The following NOTCH2 variants were observed in gnomAD, a reference collection of about 807,000 sequenced individuals.
NOTCH2 encodes the protein notch receptor 2.
A neutral mutation model predicts 235.8 loss-of-function variants in NOTCH2; 29 were observed. The ratio of observed to expected loss-of-function variants is 0.12; its 90% CI spans 0.09 to 0.17. The LOEUF (loss-of-function observed/expected upper bound fraction) is 0.17. NOTCH2 is among the 10% of genes least tolerant of loss of function. The pLI, the probability that NOTCH2 is intolerant of heterozygous loss-of-function variation, is 1.00. For missense variants in NOTCH2, 2,285 were observed against 3,150.2 expected (o/e 0.73, Z 6.57); for synonymous variants, 1,086 against 1,141.5 (o/e 0.95, Z 0.98).
intron 11 of NOTCH2, 109 bp downstream of exon 11, chr1:119,963,465 G>A: frequency 9.8e-7 from 1 of 1,021,534 alleles, no homozygotes; most frequent in Non-Finnish European, 1.6e-6. Context: ...CTCAGAATCA[G>A]GACTGTTTTT....
At chr1:119,994,962 GT>G (rs2101204049) in intron 4 of NOTCH2, 1 of 149,808 alleles carries the variant, frequency 6.7e-6, no homozygotes, top group Admixed American at 6.7e-5. Flanking sequence ...CCAAAAAAAT[GT>G]TAGTTTTCTC....
In NOTCH2 at chr1:119,922,366, G is replaced by A. The variant is rs1446201961; in HGVS notation, c.5083C>T (p.Leu1695=). The A allele has an allele frequency of 2.5e-6, 4 of 1,614,150 alleles. No individual in the cohort carries two copies. Among genetic ancestry groups the A allele is most frequent in the Non-Finnish European group, 2.5e-6 (3 of 1,180,026 alleles). Residue 1695 remains leucine, a synonymous_variant, in exon 28 of 34, where the codon CTG becomes TTG. Transcript: ENST00000256646. The stretch of plus-strand genomic sequence containing the variant: ...TTTCGTTTTGCCATGATTACCCCCA[G>A]CAGAATAATAAACAGAATGATGACA... ...AVVIILFIIL[L]GVIMAKRKRK...
chr1:120,066,140 G>T (rs1655496259), intron 1 of NOTCH2, among the ~76,000 whole-genome samples: 1 of 152,152 alleles, frequency 6.6e-6, no homozygotes, highest in Non-Finnish European at 1.5e-5. Context: ...TAGAAGAAAT[G>T]ACATTATATT....
At position 119,925,358 on chromosome 1, in the gene NOTCH2, C is replaced by A. The variant is rs61756001; in HGVS notation, c.4458G>T (p.Thr1486=). ...INNQCDELCN[T]VECLFDNFEC... ...CAAAGTTGTCAAACAGGCACTCGAC[C>A]GTGTTGCACAGCTCATCACACTGGT... Residue 1486 remains threonine (T), a synonymous_variant, in exon 25 of 34, where the codon ACG becomes ACT. Transcript: ENST00000256646. 1.2e-6 allele frequency: 2 copies of A among 1,614,006 alleles called. No individual in the cohort carries two copies. Among genetic ancestry groups the A allele is most frequent in the Non-Finnish European group, 1.7e-6 (2 of 1,180,036 alleles).
At chr1:120,041,041 CAAAAAAAAAAAAAAAAA>C (rs71586698) in intron 1 of NOTCH2, among the ~76,000 whole-genome samples, 3 of 15,668 alleles carry the variant, frequency 1.9e-4, no homozygotes, top group African/African-American at 5.7e-4. Context: ...ACTCTGCCTG[CAAAAAAAAAAAAAAAAA>C]AAAAAAAAAA....
At chr1:120,011,501 C>T (rs1314630718) in intron 2 of NOTCH2, among the ~76,000 whole-genome samples, 2 of 152,202 alleles carry the variant, frequency 1.3e-5, no homozygotes, top group African/African-American at 2.4e-5. Context: ...AGTGGTGCTT[C>T]TATGCTTAAT....
chr1:119,947,809 T>G (rs1553197221), intron 17 of NOTCH2, among the ~76,000 whole-genome samples: 1 of 152,156 alleles, frequency 6.6e-6, no homozygotes, highest in Non-Finnish European at 1.5e-5. Flanking sequence ...AACAATAAAC[T>G]AGAATGTACT....
intron 2 of NOTCH2, among the ~76,000 whole-genome samples, chr1:120,012,326 C>T (rs1285889213): frequency 2.1e-5 from 3 of 141,378 alleles, no homozygotes; most frequent in African/African-American, 5.4e-5. Context: ...AAGAATAATG[C>T]TCCGACTCAT....
At chr1:119,980,023 A>C (rs1416073820) in intron 5 of NOTCH2, among the ~76,000 whole-genome samples, 2 of 152,226 alleles carry the variant, frequency 1.3e-5, no homozygotes, top group African/African-American at 4.8e-5. Context: ...AATGACAAGC[A>C]TGTGGCTTAT....
chr1:119,962,663 T>C (rs1365384089), intron 11 of NOTCH2, among the ~76,000 whole-genome samples: 1 of 152,192 alleles, frequency 6.6e-6, no homozygotes, highest in Non-Finnish European at 1.5e-5. Context: ...GCTCTCTACA[T>C]AGGTCATTTT....
rs782250544 is a variant in NOTCH2, at chr1:119,937,290, T to C, written c.3514A>G (p.Arg1172Gly). 6.2e-7 allele frequency: 1 copy of C among 1,613,398 alleles called. No individual in the cohort carries two copies. The highest frequency in any genetic ancestry group is 8.5e-7 in the Non-Finnish European group (1 of 1,179,958). The part of the protein sequence containing the change: ...ATCSDFIGGY[R>G]CECVPGYQGV... ...TTGCTCAGTGTCCTCACCTCGCATC[T>C]GTATCCACCAATGAAGTCACTGCAT... Residue 1172 changes from arginine (R) to glycine (G), a missense_variant, in exon 21 of 34, where the codon AGA (arginine) becomes GGA (glycine). Around this residue, in one of 6 missense-constraint regions of NOTCH2, gnomAD observed 1,173 missense variants for 1,515.3 expected, o/e 0.77. Transcript: ENST00000256646.
intron 16 of NOTCH2, 126 bp downstream of exon 16, chr1:119,948,881 G>A: frequency 7.9e-7 from 1 of 1,269,526 alleles, no homozygotes; most frequent in South Asian, 1.2e-5. Flanking sequence ...TGCAAAACCT[G>A]TGTGCTCTTG....
At chr1:119,931,999 T>A (rs1019053431) in intron 22 of NOTCH2, among the ~76,000 whole-genome samples, 12 of 147,494 alleles carry the variant, frequency 8.1e-5, no homozygotes, top group African/African-American at 2.9e-4. Flanking sequence ...TATATATATA[T>A]GTATATATAC....
At chr1:119,949,203 T>G in intron 15 of NOTCH2, 77 bp from the exon 16 acceptor site, 1 of 1,500,600 alleles carries the variant, frequency 6.7e-7, no homozygotes, top group East Asian at 2.3e-5. Context: ...AAGGATGTTC[T>G]CTGAATTCAA....
intron 5 of NOTCH2, among the ~76,000 whole-genome samples, chr1:119,975,636 C>T (rs1553200831): frequency 1.7e-5 from 2 of 120,644 alleles, no homozygotes; most frequent in East Asian, 5.1e-4. Flanking sequence ...CAGAGCAAGA[C>T]TCCATCTCAA....
intron 5 of NOTCH2, among the ~76,000 whole-genome samples, chr1:119,980,995 C>A (rs1440626385): frequency 6.6e-6 from 1 of 152,128 alleles, no homozygotes; most frequent in Non-Finnish European, 1.5e-5. Context: ...TACTTCGGGT[C>A]CAAATCCTCT....
chr1:120,068,366 G>A (rs1456429977), intron 1 of NOTCH2, among the ~76,000 whole-genome samples: 1 of 148,086 alleles, frequency 6.8e-6, no homozygotes, highest in African/African-American at 2.5e-5. Context: ...AGGGTCTGAA[G>A]AAATGTAGAA....
At chr1:119,934,072 G>GT (rs1553195470) in intron 22 of NOTCH2, among the ~76,000 whole-genome samples, 2 of 152,208 alleles carry the variant, frequency 1.3e-5, no homozygotes, top group African/African-American at 4.8e-5. Flanking sequence ...CAAAATCAGT[G>GT]TTATATTAAG....
chr1:119,913,593 T>G lies in NOTCH2; in HGVS notation c.*1713A>C. On this transcript the variant is annotated 3_prime_UTR_variant, in exon 34 of 34. Coordinates refer to ENST00000256646, the MANE Select transcript of NOTCH2 (RefSeq NM_024408.4). ...AGAAGAGGAAGAAAACTATTCTTTA[T>G]CTACAATTAACTAAAATGCTTCTGC... 1 of 233,324 alleles carries G rather than the reference T, an allele frequency of 4.3e-6. No homozygotes were observed. Among genetic ancestry groups the G allele is most frequent in the Non-Finnish European group, 8.5e-6 (1 of 118,072 alleles). 14.5% of individuals were successfully genotyped at this position (233,324 alleles called of 1,614,324 possible). A position where few individuals can be genotyped will look rare whatever the true frequency, so the allele number is the denominator to read the frequency against.
Sources: gnomAD v4.1 joint callset for allele counts (sites outside exome capture counted in the v4.1 genomes callset) on GRCh38, gnomAD v4.1.1 for gene constraint, gnomAD v4.1.1 regional missense constraint, MANE v1.5 for transcripts, NCBI Gene and HGNC (gene_info 2026-07-23, HGNC 2026-07-21) for gene names.